The following ZP2 variants were observed in gnomAD, a reference collection of about 807,000 sequenced individuals.
ZP2 encodes zona pellucida glycoprotein 2, also known as zona pellucida sperm-binding protein 2.
In ZP2, 51 loss-of-function variants were observed where a neutral mutation model predicts 84.0. The observed-to-expected ratio is 0.61, with a 90% confidence interval of 0.49 to 0.77. ZP2 has a LOEUF of 0.77. ZP2 is among the 30% of genes least tolerant of loss of function. ZP2 has a pLI of 0.00. For missense variants in ZP2, 909 were observed against 911.9 expected, an observed-to-expected ratio of 1.00 and a Z score of 0.04; for synonymous variants, 375 against 330.9, an observed-to-expected ratio of 1.13 and a Z score of -1.45.
chr16:21,199,050 C>T (rs892754825), intron 16 of ZP2, among the ~76,000 whole-genome samples, 188 bp from the exon 17 acceptor site: 2 of 152,126 alleles, frequency 1.3e-5, no homozygotes, highest in African/African-American at 2.4e-5. Context: ...TGTGGTGGCT[C>T]ATGCCTATAA....
At chr16:21,214,129 G>T (rs1440926867), upstream of ZP2, 2 of 643,162 alleles carry the variant, frequency 3.1e-6, no homozygotes, top group South Asian at 7.0e-5. Context: ...AAGGTTAAGG[G>T]GCAGCACAGA....
chr16:21,202,007 A>G lies in ZP2; in HGVS notation c.1304T>C (p.Val435Ala), dbSNP rs1356698392. The G allele has an allele frequency of 1.9e-6, 3 of 1,613,952 alleles. No homozygotes were observed. In the African/African-American group the frequency reaches 4.0e-5, roughly 22 times the overall value. ...GTRYKFEDDK[V>A]VYENEIHALW... ...AGCATGTATTTCGTTTTCATAGACG[A>G]CTTTATCATCTTCGAACTTAAATGT... is the stretch of plus-strand genomic sequence containing the variant. Residue 435 changes from valine to alanine, a missense_variant, in exon 12 of 19, where the codon GTC becomes GCC. Coordinates refer to ENST00000574091, the MANE Select transcript of ZP2 (RefSeq NM_001376232.1).
In ZP2 at chr16:21,203,268, T is replaced by A; in HGVS notation, c.973-17A>T. ...TTCAGATAACTGAAATGAGAAAATG[T>A]CAATTAGCAGCCACAGTCCGTTGGG... On this transcript the variant is annotated splice_polypyrimidine_tract_variant and intron_variant, in intron 9 of 18. Coordinates refer to ENST00000574091, the MANE Select transcript of ZP2 (RefSeq NM_001376232.1). 1 of 1,612,390 alleles carries A rather than the reference T, an allele frequency of 6.2e-7. No individual in the cohort carries two copies. The highest frequency in any genetic ancestry group is 1.1e-5 in the South Asian group (1 of 91,008).
At position 21,210,100 on chromosome 16, in the gene ZP2, G is replaced by A. The variant is rs191510425; in HGVS notation, c.235+9C>T. 360 of 1,612,710 alleles carry A rather than the reference G, an allele frequency of 2.2e-4. 1 individual carries two copies. The East Asian group carries it at 6.5e-3, about 29-fold the overall frequency. ...TCAGGACTATGAGGAGATAACACAC[G>A]TTACCTACCCACCACAGATGCATGC... On this transcript the variant is annotated intron_variant, in intron 3 of 18. Transcript: ENST00000574091.
chr16:21,202,447 G>A (rs530129215), intron 10 of ZP2, among the ~76,000 whole-genome samples, 156 bp from the exon 11 acceptor site: 11 of 152,218 alleles, frequency 7.2e-5, no homozygotes, highest in Non-Finnish European at 1.2e-4. Flanking sequence ...TCAGCAGCTT[G>A]AATTACAAAG....
At chr16:21,211,929 A>ATTTTT (rs35514328), upstream of ZP2, among the ~76,000 whole-genome samples, 1 of 142,362 alleles carries the variant, frequency 7.0e-6, no homozygotes, top group African/African-American at 2.6e-5. Context: ...ACACCACTAC[A>ATTTTT]TTTTTTTTTT....
At chr16:21,207,805 G>T (rs187127946) in intron 4 of ZP2, among the ~76,000 whole-genome samples, 81 of 152,008 alleles carry the variant, frequency 5.3e-4, no homozygotes, top group Non-Finnish European at 1.0e-3. Flanking sequence ...GCAGTGAGCC[G>T]AGATTATGCC....
intron 2 of ZP2, 114 bp downstream of exon 2, chr16:21,211,193 A>G (rs2093273346): frequency 8.1e-6 from 7 of 867,962 alleles, no homozygotes; most frequent in Non-Finnish European, 1.3e-5. Flanking sequence ...CCAAGGTAAT[A>G]AAGGGGGTGA....
intron 16 of ZP2, among the ~76,000 whole-genome samples, chr16:21,199,082 G>GA (rs1343205071): frequency 7.2e-5 from 11 of 152,090 alleles, no homozygotes; most frequent in Admixed American, 5.2e-4. Context: ...TTGGGAGGCC[G>GA]AGGTAGGTGG....
chr16:21,205,675 C>G, intron 6 of ZP2, 56 bp downstream of exon 6: 2 of 1,613,256 alleles, frequency 1.2e-6, no homozygotes, highest in Non-Finnish European at 1.7e-6. Context: ...GGTAATATCA[C>G]CTTTAACATA....
chr16:21,205,318 G>A, intron 7 of ZP2, 102 bp downstream of exon 7: 5 of 1,386,060 alleles, frequency 3.6e-6, no homozygotes, highest in Admixed American at 2.0e-5. Context: ...CATTAAAATG[G>A]GTTGTATTAT....
At chr16:21,198,480 C>T (rs1323376641) in intron 17 of ZP2, among the ~76,000 whole-genome samples, 1 of 152,262 alleles carries the variant, frequency 6.6e-6, no homozygotes, top group East Asian at 1.9e-4. Context: ...AGGATCATGA[C>T]TAAGGTAGAG....
chr16:21,214,300 G>C (rs1232141651), upstream of ZP2: 5 of 985,178 alleles, frequency 5.1e-6, no homozygotes, highest in Non-Finnish European at 6.0e-6. Context: ...TCCATGTCTA[G>C]GATTCTGCTC....
chr16:21,207,024 G>T (rs1484699389), intron 4 of ZP2, 34 bp from the exon 5 acceptor site: 1 of 1,611,810 alleles, frequency 6.2e-7, no homozygotes, highest in South Asian at 1.1e-5. Context: ...AACAGAGTAA[G>T]TACTGTACCC....
At chr16:21,201,672 C>G (rs1478437154) in intron 13 of ZP2, 34 bp downstream of exon 13, 2 of 1,613,772 alleles carry the variant, frequency 1.2e-6, no homozygotes, top group Admixed American at 3.3e-5. Flanking sequence ...AGTTTGAGAT[C>G]ATTTAAGCAA....
chr16:21,211,081 C>T (rs2093272820), intron 2 of ZP2, among the ~76,000 whole-genome samples: 1 of 152,028 alleles, frequency 6.6e-6, no homozygotes, highest in Non-Finnish European at 1.5e-5. Context: ...TACCATAAAG[C>T]TTGAGGCAGT....
chr16:21,202,054 C>T (rs1283613301), intron 11 of ZP2, 31 bp from the exon 12 acceptor site: 1 of 1,613,528 alleles, frequency 6.2e-7, no homozygotes, highest in Non-Finnish European at 8.5e-7. Context: ...GGTTAGCAGC[C>T]AGTTATGTCA....
At chr16:21,212,582 CA>C (rs1375442281), upstream of ZP2, among the ~76,000 whole-genome samples, 1 of 152,140 alleles carries the variant, frequency 6.6e-6, no homozygotes, top group Admixed American at 6.5e-5. Context: ...GCATAATATT[CA>C]ATTTGAGATA....
rs373386450 is a variant in ZP2, at chr16:21,204,060, C to T, written c.942G>A (p.Leu314=). The change falls in exon 9 of 19, where the codon TTG becomes TTA. Residue 314 remains leucine (L), a synonymous_variant. Coordinates refer to ENST00000574091, the MANE Select transcript of ZP2 (RefSeq NM_001376232.1). ...IDLEATNGMK[L]HFSKTLLKTK... The stretch of plus-strand genomic sequence containing the variant: ...TTTTGAGCAGAGTTTTGCTGAAATG[C>T]AATTTCATGCCATTTGTTGCTTCTA... 6.2e-7 allele frequency: 1 copy of T among 1,613,946 alleles called. No individual in the cohort carries two copies. Among genetic ancestry groups the T allele is most frequent in the Non-Finnish European group, 8.5e-7 (1 of 1,180,022 alleles).
Sources: gnomAD v4.1 joint callset for allele counts (sites outside exome capture counted in the v4.1 genomes callset) on GRCh38, gnomAD v4.1.1 for gene constraint, MANE v1.5 for transcripts, NCBI Gene and HGNC (gene_info 2026-07-23, HGNC 2026-07-21) for gene names.